Variants in OPA1 observed in about 807,000 individuals in gnomAD.
OPA1 encodes the protein dynamin-like GTPase OPA1, mitochondrial.
OPA1 carries 59 observed loss-of-function variants against 152.9 expected under a neutral mutation model. That is an observed-to-expected ratio of 0.39 (90% confidence interval 0.31 to 0.48). OPA1 has a LOEUF of 0.48. Ranked by LOEUF, OPA1 falls within the 20% of genes least tolerant of loss-of-function variation. OPA1 has a pLI of 0.96. For synonymous variants in OPA1, 400 were observed against 389.9 expected, an observed-to-expected ratio of 1.03 and a Z score of -0.31; for missense variants, 1,008 against 1,216.8, an observed-to-expected ratio of 0.83 and a Z score of 2.55.
chr3:193,632,234 C>T (rs553764814), intron 8 of OPA1, among the ~76,000 whole-genome samples: 1 of 152,374 alleles, frequency 6.6e-6, no homozygotes, highest in African/African-American at 2.4e-5. Flanking sequence ...GTAATCCCAA[C>T]ACTTTGGGAG....
intron 29 of OPA1, among the ~76,000 whole-genome samples, chr3:193,685,769 A>G (rs192695482): frequency 6.6e-6 from 1 of 151,436 alleles, no homozygotes; most frequent in Non-Finnish European, 1.5e-5. Context: ...CTAAGGAATA[A>G]ACAAAAAAAA....
chr3:193,634,709 A>G (rs4687445), intron 8 of OPA1, among the ~76,000 whole-genome samples: 2,266 of 152,272 alleles, frequency 0.015, 85 homozygotes, highest in Admixed American at 0.076. Context: ...CGCCCAGCCT[A>G]TATCATTTTT....
intron 25 of OPA1, among the ~76,000 whole-genome samples, chr3:193,661,016 G>T (rs191607010): frequency 9.0e-4 from 137 of 152,336 alleles, no homozygotes; most frequent in Admixed American, 2.1e-3. Context: ...AGAACAGTTG[G>T]TGGCAGAACT....
At chr3:193,642,125 A>C (rs1222742124) in intron 11 of OPA1, among the ~76,000 whole-genome samples, 2 of 152,202 alleles carry the variant, frequency 1.3e-5, no homozygotes, top group Non-Finnish European at 2.9e-5. Flanking sequence ...CAAAACAAAC[A>C]AAAAAACAAA....
At chr3:193,667,720 G>A (rs1716949906) in intron 29 of OPA1, among the ~76,000 whole-genome samples, 1 of 149,970 alleles carries the variant, frequency 6.7e-6, no homozygotes, top group East Asian at 1.9e-4. Context: ...CTTCTCTGAA[G>A]TATTTGAGAG....
At chr3:193,637,432 T>A in intron 10 of OPA1, 151 bp downstream of exon 10, 2 of 468,862 alleles carry the variant, frequency 4.3e-6, no homozygotes, top group Non-Finnish European at 7.6e-6. Flanking sequence ...ATGTTCCAAG[T>A]AATGTCTTAA....
At position 193,696,538 on chromosome 3, in the gene OPA1, C is replaced by T. The variant is rs1281394940; in HGVS notation, c.*1938C>T. ...TTTTTTTCTTCTTTTTAGCTGATCT[C>T]ATCCTAAGCATGCTTTATTTTTCCT... On this transcript the variant is annotated 3_prime_UTR_variant, in exon 31 of 31. Coordinates refer to ENST00000361510, the MANE Select transcript of OPA1 (RefSeq NM_130837.3). The T allele has an allele frequency of 2.0e-5, 3 of 152,048 alleles. No homozygotes were observed. Among genetic ancestry groups the T allele is most frequent in the East Asian group, 1.9e-4 (1 of 5,194 alleles). The allele number at this position is 152,048 out of a possible 1,614,324, so 9.4% of individuals were successfully genotyped here.
At chr3:193,670,274 G>A (rs994810616) in intron 29 of OPA1, among the ~76,000 whole-genome samples, 1 of 152,138 alleles carries the variant, frequency 6.6e-6, no homozygotes, top group Non-Finnish European at 1.5e-5. Flanking sequence ...TACAGTTTCA[G>A]CCTGTTACAG....
At chr3:193,615,541 A>G (rs550677624) in intron 2 of OPA1, 133 bp from the exon 3 acceptor site, 1 of 691,744 alleles carries the variant, frequency 1.4e-6, no homozygotes, top group African/African-American at 1.8e-5. Flanking sequence ...GAGACCACTT[A>G]ATTTTGTTTC....
rs1353303633 is a variant in OPA1 at position 193,593,225 on chromosome 3, C to G, written c.-153C>G. 1.3e-5 allele frequency: 8 copies of G among 629,070 alleles called. No homozygotes were observed. Among genetic ancestry groups the G allele is most frequent in the Admixed American group, 3.3e-5 (1 of 30,570 alleles). 39.0% of individuals were successfully genotyped at this position (629,070 alleles called of 1,614,324 possible). A position where few individuals can be genotyped will look rare whatever the true frequency, so the allele number is the denominator to read the frequency against. On this transcript the variant is annotated 5_prime_UTR_variant, in exon 1 of 31. Transcript: ENST00000361510. ...TGCCTGTCAGGCTCTTGCGGAAGTC[C>G]ATGCGCCATTGGGAGGGCCTCGGCC...
intron 29 of OPA1, among the ~76,000 whole-genome samples, chr3:193,685,110 G>A (rs1720755382): frequency 6.6e-6 from 1 of 152,012 alleles, no homozygotes; most frequent in South Asian, 2.1e-4. Flanking sequence ...GACCAGCCTA[G>A]CCAATATGGT....
intron 29 of OPA1, among the ~76,000 whole-genome samples, chr3:193,683,107 A>G (rs1720416372): frequency 6.6e-6 from 1 of 152,140 alleles, no homozygotes; most frequent in African/African-American, 2.4e-5. Context: ...GTTGATTCCA[A>G]CCCTCATGGA....
intron 29 of OPA1, among the ~76,000 whole-genome samples, chr3:193,671,967 T>C (rs1164160258): frequency 6.6e-6 from 1 of 152,236 alleles, no homozygotes; most frequent in Non-Finnish European, 1.5e-5. Flanking sequence ...TAGAATTGTC[T>C]GGTGTTAAAA....
chr3:193,632,292 T>C (rs1271116464), intron 8 of OPA1, among the ~76,000 whole-genome samples: 1 of 152,076 alleles, frequency 6.6e-6, no homozygotes, highest in Non-Finnish European at 1.5e-5. Context: ...CCATCCTGGC[T>C]AACACAGTGA....
intron 5 of OPA1, chr3:193,618,597 G>T (rs1187325633): frequency 2.4e-6 from 1 of 414,716 alleles, no homozygotes; most frequent in Admixed American, 4.1e-5. Context: ...CCTTACCAAA[G>T]ATTGTCTTAT....
chr3:193,635,375 C>A, intron 8 of OPA1, 43 bp from the exon 9 acceptor site: 2 of 1,152,786 alleles, frequency 1.7e-6, no homozygotes, highest in Non-Finnish European at 2.6e-6. Flanking sequence ...TATTTGATAA[C>A]CCATCTTTTG....
rs766448341 is a variant in OPA1 at position 193,688,449 on chromosome 3, C to CTTTTTTTTTTTTTTTTTTTTTTTTTTTT, written c.2984-3594_2984-3567dup. On this transcript the variant is annotated intron_variant, in intron 29 of 30. Transcript: ENST00000361510. ...TGATTTTTACTGAAATGGGTCTTTT[C>CTTTTTTTTTTTTTTTTTTTTTTTTTTTT]TTTTTTTTTTTTTTTTTTTTTTTTT... 6.3e-5 allele frequency among the ~76,000 whole-genome samples: 4 copies of CTTTTTTTTTTTTTTTTTTTTTTTTTTTT among 63,356 alleles called. 1 individual carries two copies. Among genetic ancestry groups the CTTTTTTTTTTTTTTTTTTTTTTTTTTTT allele is most frequent in the East Asian group, 5.7e-4 (1 of 1,750 alleles). 41.6% of individuals were successfully genotyped at this position (63,356 alleles called of 152,430 possible). A position where few individuals can be genotyped will look rare whatever the true frequency, so the allele number is the denominator to read the frequency against.
At chr3:193,626,068 C>T in intron 6 of OPA1, 24 bp from the exon 7 acceptor site, 1 of 1,564,284 alleles carries the variant, frequency 6.4e-7, no homozygotes, top group Non-Finnish European at 8.8e-7. Flanking sequence ...ATTTCCTCTT[C>T]TCCTCATTGT....
At chr3:193,684,164 T>C (rs1334651602) in intron 29 of OPA1, among the ~76,000 whole-genome samples, 1 of 152,144 alleles carries the variant, frequency 6.6e-6, no homozygotes, top group Non-Finnish European at 1.5e-5. Flanking sequence ...CTACACATAA[T>C]CATGAAAATC....
Sources: gnomAD v4.1 joint callset for allele counts (sites outside exome capture counted in the v4.1 genomes callset) on GRCh38, gnomAD v4.1.1 for gene constraint, MANE v1.5 for transcripts, NCBI Gene and HGNC (gene_info 2026-07-23, HGNC 2026-07-21) for gene names.